ZSWIM4: variants seen among roughly 807,000 people sequenced by gnomAD.
ZSWIM4 encodes the protein zinc finger SWIM domain-containing protein 4.
Under a neutral mutation model 102.5 loss-of-function variants are expected in ZSWIM4, and 62 were observed. The observed-to-expected ratio is 0.60, with a 90% CI of 0.49 to 0.75. ZSWIM4 has a LOEUF of 0.75. Ranked by LOEUF, ZSWIM4 falls within the 30% of genes least tolerant of loss-of-function variation. The pLI, the probability that ZSWIM4 is intolerant of heterozygous loss-of-function variation, is 0.00. For synonymous variants in ZSWIM4, 652 were observed against 674.5 expected (o/e 0.97, Z 0.52); for missense variants, 1,280 against 1,529.6 (o/e 0.84, Z 2.72).
In ZSWIM4 at chr19:13,825,791, C is replaced by T; in HGVS notation, c.2379+78C>T. On this transcript the variant is annotated intron_variant, in intron 12 of 13. Coordinates refer to ENST00000590508, the MANE Select transcript of ZSWIM4 (RefSeq NM_001367834.3). This position sits in a 1 kb window ranked among gnomAD's most constrained non-coding sequence, Gnocchi z 4.6. Reference sequence around the variant, plus strand: ...TGACTGTGAGCTGCGCCTCCCGGGGCATGGGCTGAGTGTGAGCCACTTCGC... The same window carrying T: ...TGACTGTGAGCTGCGCCTCCCGGGGTATGGGCTGAGTGTGAGCCACTTCGC... 6.6e-7 allele frequency: 1 copy of T among 1,508,844 alleles called. No homozygotes were observed. The highest frequency in any genetic ancestry group is 8.9e-7 in the Non-Finnish European group (1 of 1,129,694). 93.5% of individuals were successfully genotyped at this position (1,508,844 alleles called of 1,614,324 possible). A position where few individuals can be genotyped will look rare whatever the true frequency, so the allele number is the denominator to read the frequency against.
At position 13,823,520 on chromosome 19, in the gene ZSWIM4, C is replaced by T. The variant is rs367801883; in HGVS notation, c.2215+20C>T. 20 of 1,553,996 alleles carry T rather than the reference C, an allele frequency of 1.3e-5. No homozygotes were observed. The highest frequency in any genetic ancestry group is 4.1e-5 in the African/African-American group (3 of 73,300). On this transcript the variant is annotated intron_variant, in intron 11 of 13. Coordinates refer to ENST00000590508, the MANE Select transcript of ZSWIM4 (RefSeq NM_001367834.3). ...CCAAGGGTGAGGCTGGCAGCTGTCC[C>T]GATTCCTTTGTCTTCCTCCTCTGTC...
chr19:13,818,810 C>T (rs1975376454), intron 9 of ZSWIM4, among the ~76,000 whole-genome samples: 2 of 150,464 alleles, frequency 1.3e-5, no homozygotes, highest in South Asian at 4.2e-4. Context: ...GTGATCTGCC[C>T]GCCTCGGCCT....
chr19:13,826,134 G>A (rs1022574317), intron 12 of ZSWIM4, among the ~76,000 whole-genome samples: 5 of 152,288 alleles, frequency 3.3e-5, no homozygotes, highest in Admixed American at 1.3e-4. Flanking sequence ...TCCCAGTAGG[G>A]ATGAAGCCTA....
chr19:13,830,966 G>T lies in ZSWIM4; in HGVS notation c.3237G>T (p.Gln1079His), dbSNP rs1039568441. 6.2e-7 allele frequency: 1 copy of T among 1,614,036 alleles called. No homozygotes were observed. The highest frequency in any genetic ancestry group is 1.7e-5 in the Admixed American group (1 of 59,958). The change falls in exon 14 of 14, where the codon CAG becomes CAT. Residue 1079 changes from glutamine (Q) to histidine (H), a missense_variant. Coordinates refer to ENST00000590508, the MANE Select transcript of ZSWIM4 (RefSeq NM_001367834.3). The part of the protein sequence containing the change: ...TFLLAPDGHL[Q>H]FSQFLENLKQ... The stretch of plus-strand genomic sequence containing the variant: ...TGCTGGCGCCCGACGGGCACCTCCA[G>T]TTCTCACAGTTCTTGGAGAACCTCA...
chr19:13,830,789 G>A lies in ZSWIM4; in HGVS notation c.3060G>A (p.Lys1020=). ...LGPLGARRAA[K]PLGADRAPLC... Reference sequence around the variant, plus strand: ...CCTTAGGGGCACGCCGGGCCGCCAAGCCACTGGGTGCCGACCGGGCGCCGC... The same window carrying A: ...CCTTAGGGGCACGCCGGGCCGCCAAACCACTGGGTGCCGACCGGGCGCCGC... The change falls in exon 14 of 14, where the codon AAG becomes AAA. Residue 1020 remains lysine, a synonymous_variant. Coordinates refer to ENST00000590508, the MANE Select transcript of ZSWIM4 (RefSeq NM_001367834.3). The A allele has an allele frequency of 6.2e-7, 1 of 1,605,532 alleles. No homozygotes were observed. Among genetic ancestry groups the A allele is most frequent in the Non-Finnish European group, 8.5e-7 (1 of 1,175,880 alleles).
intron 1 of ZSWIM4, among the ~76,000 whole-genome samples, chr19:13,797,569 T>C (rs1424357105): frequency 6.6e-6 from 1 of 152,242 alleles, no homozygotes; most frequent in African/African-American, 2.4e-5. Context: ...GAAGAAGAAC[T>C]GTCTTGGGCC....
chr19:13,817,681 A>C (rs1000762260), intron 8 of ZSWIM4, 41 bp from the exon 9 acceptor site: 2 of 1,599,956 alleles, frequency 1.3e-6, no homozygotes, highest in Non-Finnish European at 1.7e-6. Flanking sequence ...ACCTTAGGGA[A>C]GGGGATCCGT....
chr19:13,812,433 A>G (rs1975124676), intron 5 of ZSWIM4, among the ~76,000 whole-genome samples: 1 of 148,864 alleles, frequency 6.7e-6, no homozygotes, highest in Non-Finnish European at 1.5e-5. Flanking sequence ...AGCTAGGACT[A>G]CAGAGGCCCG....
At position 13,799,812 on chromosome 19, in the gene ZSWIM4, C is replaced by T; in HGVS notation, c.246C>T (p.Tyr82=). 6.2e-7 allele frequency: 1 copy of T among 1,614,074 alleles called. No homozygotes were observed. Among genetic ancestry groups the T allele is most frequent in the Non-Finnish European group, 8.5e-7 (1 of 1,180,026 alleles). The change falls in exon 2 of 14, where the codon TAC becomes TAT. Residue 82 remains tyrosine, a synonymous_variant. Transcript: ENST00000590508. ...GCAGTGAACGGGAAATATGTATGTA[C>T]TCGTCGCTGGGTTACCCGCCCCCAG... ...FPRSEREICM[Y]SSLGYPPPEG...
In ZSWIM4 at chr19:13,827,202, G is replaced by A. The variant is rs1029318819; in HGVS notation, c.2380-1443G>A. Reference sequence around the variant, plus strand: ...CTCAGGAGGCTGAGGCGAGAGGATCGCTTGAGGCCAGGAGTTTGAGGCTGC... The same window carrying A: ...CTCAGGAGGCTGAGGCGAGAGGATCACTTGAGGCCAGGAGTTTGAGGCTGC... On this transcript the variant is annotated intron_variant, in intron 12 of 13. Coordinates refer to ENST00000590508, the MANE Select transcript of ZSWIM4 (RefSeq NM_001367834.3). 1.7e-4 allele frequency among the ~76,000 whole-genome samples: 26 copies of A among 151,724 alleles called. No homozygotes were observed. The South Asian group carries it at 1.9e-3, about 11-fold the overall frequency.
chr19:13,820,222 G>A (rs1599608613), intron 10 of ZSWIM4, among the ~76,000 whole-genome samples: 1 of 151,866 alleles, frequency 6.6e-6, no homozygotes, highest in African/African-American at 2.4e-5. Flanking sequence ...AAGTATAAAT[G>A]TGTGTTTTTT....
chr19:13,805,622 G>C (rs1412151582), intron 3 of ZSWIM4, among the ~76,000 whole-genome samples: 3 of 151,904 alleles, frequency 2.0e-5, no homozygotes, highest in African/African-American at 4.8e-5. Flanking sequence ...GGGAAGGTGA[G>C]TAGTAGGTGG....
chr19:13,827,384 TG>T (rs1161428063), intron 12 of ZSWIM4, among the ~76,000 whole-genome samples: 1 of 151,656 alleles, frequency 6.6e-6, no homozygotes, highest in Non-Finnish European at 1.5e-5. Context: ...GCGGATCGCT[TG>T]AGGCCAGGAG....
chr19:13,798,565 C>T (rs1019153957), intron 1 of ZSWIM4, among the ~76,000 whole-genome samples: 1 of 152,144 alleles, frequency 6.6e-6, no homozygotes, highest in African/African-American at 2.4e-5. Flanking sequence ...GGAGGGAAAC[C>T]GCAAGAAAGT....
At chr19:13,805,184 G>A in intron 3 of ZSWIM4, 36 bp downstream of exon 3, 1 of 1,543,976 alleles carries the variant, frequency 6.5e-7, no homozygotes. Context: ...GGGAGAGGAT[G>A]CCCAAGCGCA....
At position 13,795,680 on chromosome 19, in the gene ZSWIM4, G is replaced by T. The variant is rs1974589958; in HGVS notation, c.32G>T (p.Gly11Val). The change falls in exon 1 of 14, where the codon GGC becomes GTC. Residue 11 changes from glycine to valine, a missense_variant. Physicochemically the swap from Gly to Val is moderately radical, Grantham distance 109. Transcript: ENST00000590508. MEPPAAKRSR[G>V]CPAGPEERDA... ...CCCCCCGCGGCCAAGCGGAGCCGGG[G>T]CTGCCCCGCGGGACCCGAGGAGCGC... 9.7e-7 allele frequency: 1 copy of T among 1,033,124 alleles called. No individual in the cohort carries two copies. Among genetic ancestry groups the T allele is most frequent in the Non-Finnish European group, 1.2e-6 (1 of 817,740 alleles). 64.0% of individuals were successfully genotyped at this position (1,033,124 alleles called of 1,614,324 possible). A position where few individuals can be genotyped will look rare whatever the true frequency, so the allele number is the denominator to read the frequency against.
Position 13,821,143 on chromosome 19 carries a change from G to GT in ZSWIM4, c.2060+1652dup, listed in dbSNP as rs558788666. Among the ~76,000 whole-genome samples, 64 of 152,220 alleles carry GT rather than the reference G, an allele frequency of 4.2e-4. No homozygotes were observed. In the East Asian group the frequency reaches 6.9e-3, roughly 17 times the overall value. On this transcript the variant is annotated intron_variant, in intron 10 of 13. Coordinates refer to ENST00000590508, the MANE Select transcript of ZSWIM4 (RefSeq NM_001367834.3). ...TACTAAAAATACAAAAATTAGCTGG[G>GT]TGTGGAGGTGCATACCTGTAATCCC...
At chr19:13,805,202 G>A (rs569453704) in intron 3 of ZSWIM4, 54 bp downstream of exon 3, 12 of 1,457,114 alleles carry the variant, frequency 8.2e-6, no homozygotes, top group South Asian at 3.6e-5. Flanking sequence ...GCACAGCCAC[G>A]CCACTTGCTG....
In ZSWIM4 at chr19:13,802,358, G is replaced by A. The variant is rs369183313; in HGVS notation, c.356-2434G>A. Among the ~76,000 whole-genome samples the A allele has an allele frequency of 2.6e-5, 4 of 151,266 alleles. No homozygotes were observed. The South Asian group carries it at 8.3e-4, about 32-fold the overall frequency. ...TCCCAGCACTTTGGGGGCTGAGGCG[G>A]GTGGATCACCTAAGGTCAGGAGTTC... is the stretch of plus-strand genomic sequence containing the variant. On this transcript the variant is annotated intron_variant, in intron 2 of 13. Coordinates refer to ENST00000590508, the MANE Select transcript of ZSWIM4 (RefSeq NM_001367834.3).
Sources: allele counts gnomAD v4.1 joint callset (sites outside exome capture counted in the v4.1 genomes callset), GRCh38; gene constraint gnomAD v4.1.1; non-coding constraint Gnocchi (gnomAD v3.1); transcripts MANE v1.5; gene names NCBI Gene and HGNC (gene_info 2026-07-23, HGNC 2026-07-21).